The following TLE3 variants were observed in gnomAD, a reference collection of about 807,000 sequenced individuals.
TLE3 encodes the protein transducin-like enhancer protein 3.
Under a neutral mutation model 93.0 loss-of-function variants are expected in TLE3, and 14 were observed. The observed-to-expected ratio is 0.15, with a 90% CI of 0.10 to 0.24. TLE3 has a LOEUF of 0.24. Ranked by LOEUF, TLE3 falls within the 10% of genes least tolerant of loss-of-function variation. TLE3 has a pLI of 1.00. For synonymous variants in TLE3, 451 were observed against 425.0 expected, an observed-to-expected ratio of 1.06 and a Z score of -0.75; for missense variants, 693 against 1,046.6, an observed-to-expected ratio of 0.66 and a Z score of 4.66.
Position 70,097,025 on chromosome 15 carries a change from G to A in TLE3, c.-227C>T. ...CGGCAAAGTCGTCGGCGGGCGCCGG[G>A]GCCGGGCGGCGGGCGCGGGCTTTGT... On this transcript the variant is annotated 5_prime_UTR_variant, in exon 1 of 20. Coordinates refer to ENST00000451782, the MANE Select transcript of TLE3 (RefSeq NM_001105192.3). The A allele has an allele frequency of 1.7e-6, 1 of 585,524 alleles. No homozygotes were observed. The highest frequency in any genetic ancestry group is 2.9e-6 in the Non-Finnish European group (1 of 340,906). The allele number at this position is 585,524 out of a possible 1,614,324, so 36.3% of individuals were successfully genotyped here. A position where few individuals can be genotyped will look rare whatever the true frequency, so the allele number is the denominator to read the frequency against.
chr15:70,092,451 G>A (rs1030229657), intron 4 of TLE3, among the ~76,000 whole-genome samples: 1 of 152,236 alleles, frequency 6.6e-6, no homozygotes, highest in African/African-American at 2.4e-5. Flanking sequence ...GCAAGGTAAA[G>A]TGCCCAGTGG....
At chr15:70,087,448 T>C (rs921446413) in intron 4 of TLE3, among the ~76,000 whole-genome samples, 5 of 152,268 alleles carry the variant, frequency 3.3e-5, no homozygotes, top group Non-Finnish European at 5.9e-5. Context: ...TAAGAGGCCG[T>C]AGCATTATAA....
chr15:70,051,133 C>T (rs2055495555), intron 19 of TLE3: 3 of 351,370 alleles, frequency 8.5e-6, no homozygotes, highest in South Asian at 4.1e-5. Flanking sequence ...ATCCGACAAG[C>T]GCCCCGGCTT....
chr15:70,094,391 G>A lies in TLE3; in HGVS notation c.234+141C>T, dbSNP rs2058450185. ...AAAGCCTCAGACCTTGCATTTCAAG[G>A]ACTGGATCCATTCACTCTTCAAGGA... On this transcript the variant is annotated intron_variant, in intron 4 of 19. Transcript: ENST00000451782. 1.2e-5 allele frequency: 8 copies of A among 673,320 alleles called. 1 individual carries two copies. The South Asian group carries it at 1.5e-4, about 13-fold the overall frequency. The allele number at this position is 673,320 out of a possible 1,614,324, so 41.7% of individuals were successfully genotyped here.
intron 14 of TLE3, chr15:70,055,896 C>T (rs1312076305): frequency 3.0e-6 from 1 of 330,842 alleles, no homozygotes; most frequent in Admixed American, 4.5e-5. Context: ...AGTGTGCCCT[C>T]CAGGGGAGGG....
In TLE3 at chr15:70,090,727, TG is replaced by T. The variant is rs143572188; in HGVS notation, c.234+3804del. On this transcript the variant is annotated intron_variant, in intron 4 of 19. Coordinates refer to ENST00000451782, the MANE Select transcript of TLE3 (RefSeq NM_001105192.3). ...GTTATATATACCACCTTTCCCGGTC[TG>T]TGAATCTTTCCTCTGGGATTGCTAG... is the stretch of plus-strand genomic sequence containing the variant. Among the ~76,000 whole-genome samples, 31 of 152,372 alleles carry T rather than the reference TG, an allele frequency of 2.0e-4. No individual in the cohort carries two copies. The East Asian group carries it at 5.6e-3, about 27-fold the overall frequency.
intron 6 of TLE3, 128 bp downstream of exon 6, chr15:70,074,405 G>A: frequency 8.3e-7 from 1 of 1,200,248 alleles, no homozygotes. Context: ...GGTGCTTGTA[G>A]AAGCCGGAGC....
chr15:70,053,996 G>C (rs976692964), intron 16 of TLE3: 3 of 165,906 alleles, frequency 1.8e-5, no homozygotes, highest in African/African-American at 7.2e-5. Context: ...GTTTTACACA[G>C]GAAGAAACTG....
At position 70,094,562 on chromosome 15, in the gene TLE3, G is replaced by A. The variant is rs569173982; in HGVS notation, c.204C>T (p.Ser68=). The A allele has an allele frequency of 7.1e-6, 11 of 1,558,046 alleles. No homozygotes were observed. Among genetic ancestry groups the A allele is most frequent in the Middle Eastern group, 3.6e-4 (2 of 5,610 alleles). ...TGTGCATTTCAATGTTCAAGCCATA[G>A]GACATCTCATAGTACTAAAAGTAAA... The part of the protein sequence containing the change: ...QRHYVMYYEM[S]YGLNIEMHKQ... Residue 68 remains serine, a synonymous_variant, in exon 4 of 20, where the codon TCC becomes TCT. Coordinates refer to ENST00000451782, the MANE Select transcript of TLE3 (RefSeq NM_001105192.3).
In TLE3 at chr15:70,049,981, C is replaced by T. The variant is rs765831865; in HGVS notation, c.*116G>A. 2.7e-5 allele frequency: 22 copies of T among 823,226 alleles called. No homozygotes were observed. The highest frequency in any genetic ancestry group is 2.7e-4 in the Middle Eastern group (1 of 3,666). The allele number at this position is 823,226 out of a possible 1,614,324, so 51.0% of individuals were successfully genotyped here. ...CAGCCGGCCGGAGCGCAGCCCTGAACGCTCGGCTGCCTGCGGCCCATCCTC... is the reference window on the plus strand; with the variant it reads ...CAGCCGGCCGGAGCGCAGCCCTGAATGCTCGGCTGCCTGCGGCCCATCCTC... On this transcript the variant is annotated 3_prime_UTR_variant, in exon 20 of 20. Transcript: ENST00000451782.
At chr15:70,095,743 C>G in intron 2 of TLE3, 102 bp from the exon 3 acceptor site, 1 of 1,386,154 alleles carries the variant, frequency 7.2e-7, no homozygotes, top group Admixed American at 2.6e-5. Flanking sequence ...TTTCCTGACA[C>G]CCCCCCGGGG....
intron 6 of TLE3, among the ~76,000 whole-genome samples, chr15:70,069,234 T>C (rs758208439): frequency 1.3e-5 from 2 of 152,190 alleles, no homozygotes; most frequent in African/African-American, 4.8e-5. Flanking sequence ...TGAGAAATGG[T>C]GTCCACAGGT....
chr15:70,051,424 G>T lies in TLE3; in HGVS notation c.2169C>A (p.Ala723=). Reference sequence around the variant, plus strand: ...TGCTGGCTCCATAAGGCGTCCTCCAGGCGTTGAGAAGGTTATCTTTCCCAG... The same window carrying T: ...TGCTGGCTCCATAAGGCGTCCTCCATGCGTTGAGAAGGTTATCTTTCCCAG... The part of the protein sequence containing the change: ...VSTGKDNLLN[A]WRTPYGASIF... The change falls in exon 19 of 20, where the codon GCC becomes GCA. Residue 723 remains alanine, a synonymous_variant. Transcript: ENST00000451782. 3 of 1,610,698 alleles carry T rather than the reference G, an allele frequency of 1.9e-6. No individual in the cohort carries two copies. The South Asian group carries it at 3.3e-5, about 18-fold the overall frequency.
At chr15:70,076,222 G>C in intron 4 of TLE3, 64 bp from the exon 5 acceptor site, 1 of 1,536,870 alleles carries the variant, frequency 6.5e-7, no homozygotes, top group Non-Finnish European at 9.0e-7. Context: ...AATGTCATAG[G>C]CAAGTGGAAA....
chr15:70,079,436 A>G (rs2057638890), intron 4 of TLE3: 1 of 432,748 alleles, frequency 2.3e-6, no homozygotes, highest in Non-Finnish European at 4.5e-6. Context: ...AAGTTCTCCC[A>G]ACGTAAACCC....
In TLE3 at chr15:70,074,909, G is replaced by T. The variant is rs190784039; in HGVS notation, c.298-302C>A. 2.0e-5 allele frequency among the ~76,000 whole-genome samples: 3 copies of T among 152,328 alleles called. No individual in the cohort carries two copies. The East Asian group carries it at 5.8e-4, about 29-fold the overall frequency. ...ACACACAAATTTTTCCATGCAATTTGCGTATGAGCTGGATATCAGATGATA... is the reference window on the plus strand; with the variant it reads ...ACACACAAATTTTTCCATGCAATTTTCGTATGAGCTGGATATCAGATGATA... On this transcript the variant is annotated intron_variant, in intron 5 of 19. Coordinates refer to ENST00000451782, the MANE Select transcript of TLE3 (RefSeq NM_001105192.3).
rs1264242511 is a variant in TLE3 at position 70,094,424 on chromosome 15, G to A, written c.234+108C>T. The A allele has an allele frequency of 8.4e-6, 7 of 832,556 alleles. No homozygotes were observed. In the African/African-American group the frequency reaches 8.7e-5, roughly 10 times the overall value. 51.6% of individuals were successfully genotyped at this position (832,556 alleles called of 1,614,324 possible). On this transcript the variant is annotated intron_variant, in intron 4 of 19. Transcript: ENST00000451782. Reference sequence around the variant, plus strand: ...CCATTCACTCTTCAAGGAGAAGGGGGAGGAATCGAAGAAGCAGGCTCACTT... The same window carrying A: ...CCATTCACTCTTCAAGGAGAAGGGGAAGGAATCGAAGAAGCAGGCTCACTT...
Position 70,052,577 on chromosome 15 carries a change from G to A in TLE3, c.1975-53C>T. On this transcript the variant is annotated intron_variant, in intron 17 of 19. Transcript: ENST00000451782. ...TGAGCTCAGCATTCTCTGCCCTCAA[G>A]AGGAGGGCGGCTCCCAAAGGTGCTG... 2.6e-6 allele frequency: 4 copies of A among 1,566,924 alleles called. No individual in the cohort carries two copies. In the South Asian group the frequency reaches 3.5e-5, roughly 14 times the overall value.
chr15:70,080,636 C>T (rs1046009296), intron 4 of TLE3, among the ~76,000 whole-genome samples: 16 of 152,318 alleles, frequency 1.1e-4, no homozygotes, highest in African/African-American at 3.8e-4. Context: ...GTTCCATGCG[C>T]CTTAGTAGCT....
Sources: gnomAD v4.1 joint callset for allele counts (sites outside exome capture counted in the v4.1 genomes callset) on GRCh38, gnomAD v4.1.1 for gene constraint, MANE v1.5 for transcripts, NCBI Gene and HGNC (gene_info 2026-07-23, HGNC 2026-07-21) for gene names.